LINGO2: variants seen among roughly 807,000 people sequenced by gnomAD.
LINGO2 encodes leucine rich repeat and Ig domain containing 2.
LINGO2 carries 14 observed loss-of-function variants against 30.6 expected under a neutral mutation model. The ratio of observed to expected loss-of-function variants is 0.46; its 90% CI spans 0.30 to 0.72. The LOEUF is 0.72. Ranked by LOEUF, LINGO2 falls within the 30% of genes least tolerant of loss-of-function variation. The probability of loss-of-function intolerance (pLI) is 0.07; values close to 1 mark genes in which losing one functional copy is unlikely to be tolerated. For synonymous variants in LINGO2, 317 were observed against 288.5 expected (o/e 1.10, Z -1.00); for missense variants, 729 against 751.7 (o/e 0.97, Z 0.35).
At chr9:28,320,537 A>G (rs1825001434) in intron 3 of LINGO2, among the ~76,000 whole-genome samples, 1 of 152,158 alleles carries the variant, frequency 6.6e-6, no homozygotes, top group Non-Finnish European at 1.5e-5. Flanking sequence ...CTTACTTATG[A>G]ATTGGTCAAA....
chr9:29,193,367 C>T, the LINGO2 span, among the ~76,000 whole-genome samples: 1 of 152,110 alleles, frequency 6.6e-6, no homozygotes. Context: ...TTTGTCTCCA[C>T]TCAGTCCCAT....
the LINGO2 span, among the ~76,000 whole-genome samples, chr9:29,044,914 A>G: frequency 8.5e-5 from 13 of 152,132 alleles, no homozygotes; most frequent in African/African-American, 3.1e-4. Context: ...TGGAACAAGT[A>G]TAACAACATA....
the LINGO2 span, among the ~76,000 whole-genome samples, chr9:29,205,148 C>A: frequency 6.6e-6 from 1 of 152,124 alleles, no homozygotes. Context: ...TCAAGTGATT[C>A]TCCTGCCTTA....
At chr9:29,025,427 G>A in the LINGO2 span, among the ~76,000 whole-genome samples, 1 of 151,962 alleles carries the variant, frequency 6.6e-6, no homozygotes, top group East Asian at 1.9e-4. Flanking sequence ...AGTCACGATT[G>A]ATGAGGTTCC....
intron 2 of LINGO2, among the ~76,000 whole-genome samples, chr9:28,387,489 GC>G (rs1369361968): frequency 6.6e-6 from 1 of 152,166 alleles, no homozygotes. Context: ...CCTCCTGGGG[GC>G]CCCTTCCACG....
intron 1 of LINGO2, among the ~76,000 whole-genome samples, chr9:28,653,974 G>T (rs535359361): frequency 6.6e-6 from 1 of 152,094 alleles, no homozygotes; most frequent in African/African-American, 2.4e-5. Flanking sequence ...TGCTTTTATT[G>T]CTAAGTATAT....
chr9:28,008,012 A>G (rs1420310438), intron 5 of LINGO2, among the ~76,000 whole-genome samples: 1 of 152,150 alleles, frequency 6.6e-6, no homozygotes, highest in Non-Finnish European at 1.5e-5. Flanking sequence ...TGACCAGCGC[A>G]TGTTTACTGA....
intron 1 of LINGO2, among the ~76,000 whole-genome samples, chr9:28,635,249 A>G (rs1317458473): frequency 6.6e-6 from 1 of 152,232 alleles, no homozygotes; most frequent in Non-Finnish European, 1.5e-5. Flanking sequence ...GCTGTAATTA[A>G]TGGCAAAATG....
chr9:28,850,545 C>A, the LINGO2 span, among the ~76,000 whole-genome samples: 2 of 152,078 alleles, frequency 1.3e-5, no homozygotes, highest in South Asian at 2.1e-4. Flanking sequence ...TACATAAACT[C>A]CAGAACTGGA....
At chr9:28,838,587 G>A in the LINGO2 span, among the ~76,000 whole-genome samples, 1 of 152,152 alleles carries the variant, frequency 6.6e-6, no homozygotes, top group African/African-American at 2.4e-5. Context: ...TCTCTTATTT[G>A]CTCAAGCTAA....
At chr9:28,009,086 T>G (rs1298214367) in intron 5 of LINGO2, among the ~76,000 whole-genome samples, 1 of 152,078 alleles carries the variant, frequency 6.6e-6, no homozygotes, top group Admixed American at 6.5e-5. Flanking sequence ...TGGAATAGAA[T>G]TGAGAGTCTA....
chr9:28,841,288 G>C, the LINGO2 span, among the ~76,000 whole-genome samples: 2 of 151,714 alleles, frequency 1.3e-5, no homozygotes, highest in Admixed American at 6.6e-5. Flanking sequence ...TAGAATAAGA[G>C]CTCAAAAATT....
chr9:28,493,791 G>C (rs1819469307), intron 1 of LINGO2, among the ~76,000 whole-genome samples: 1 of 152,120 alleles, frequency 6.6e-6, no homozygotes, highest in Non-Finnish European at 1.5e-5. Flanking sequence ...TAAACTGCCA[G>C]CACGGTCAGA....
intron 4 of LINGO2, among the ~76,000 whole-genome samples, chr9:28,158,696 G>A (rs1828204495): frequency 6.6e-6 from 1 of 152,106 alleles, no homozygotes; most frequent in South Asian, 2.1e-4. Context: ...GACAAGAGGG[G>A]GTTGCCTTTC....
chr9:28,347,017 A>G (rs1379884186), intron 3 of LINGO2, among the ~76,000 whole-genome samples: 3 of 152,146 alleles, frequency 2.0e-5, no homozygotes, highest in Admixed American at 2.0e-4. Flanking sequence ...TGCTGTACAG[A>G]AGCTCTAAAG....
At chr9:28,497,711 T>C (rs1819697381) in intron 1 of LINGO2, among the ~76,000 whole-genome samples, 1 of 152,192 alleles carries the variant, frequency 6.6e-6, no homozygotes, top group Admixed American at 6.5e-5. Flanking sequence ...AGGAGTTGCA[T>C]TCCTTTGGAG....
the LINGO2 span, among the ~76,000 whole-genome samples, chr9:28,853,655 GA>G: frequency 6.6e-6 from 1 of 151,988 alleles, no homozygotes; most frequent in African/African-American, 2.4e-5. Flanking sequence ...CAGTCATGGT[GA>G]AAGGGGAAGC....
chr9:29,178,017 T>C, the LINGO2 span, among the ~76,000 whole-genome samples: 1 of 152,042 alleles, frequency 6.6e-6, no homozygotes, highest in Non-Finnish European at 1.5e-5. Flanking sequence ...CATTTTTTTT[T>C]TCTCTGCTCC....
At chr9:29,166,828 C>T in the LINGO2 span, among the ~76,000 whole-genome samples, 2 of 152,148 alleles carry the variant, frequency 1.3e-5, no homozygotes, top group Non-Finnish European at 2.9e-5. Flanking sequence ...AACTTGTCAG[C>T]ACCTCAAAAT....
Sources: allele counts gnomAD v4.1 joint callset (sites outside exome capture counted in the v4.1 genomes callset), GRCh38; gene constraint gnomAD v4.1.1; transcripts MANE v1.5; gene names NCBI Gene and HGNC (gene_info 2026-07-23, HGNC 2026-07-21).